Variants in NFATC3 observed in about 807,000 individuals in gnomAD.
The protein encoded by NFATC3 is nuclear factor of activated T-cells, cytoplasmic 3.
Under a neutral mutation model 98.6 loss-of-function variants are expected in NFATC3, and 46 were observed. The observed-to-expected ratio is 0.47, with a 90% CI of 0.37 to 0.60. NFATC3 has a LOEUF of 0.60. NFATC3 is among the 20% of genes least tolerant of loss of function. The pLI is 0.00. For synonymous variants in NFATC3, 512 were observed against 472.2 expected (o/e 1.08, Z -1.09); for missense variants, 1,256 against 1,295.5 (o/e 0.97, Z 0.47).
chr16:68,127,237 A>T (rs1048645824), intron 3 of NFATC3, among the ~76,000 whole-genome samples: 1 of 152,118 alleles, frequency 6.6e-6, no homozygotes, highest in Non-Finnish European at 1.5e-5. Context: ...AGTAAAATTT[A>T]ATCAGAAAAA....
At chr16:68,138,826 C>A in intron 3 of NFATC3, 1 of 1,217,148 alleles carries the variant, frequency 8.2e-7, no homozygotes, top group Non-Finnish European at 1.0e-6. Flanking sequence ...ATGCTCCACA[C>A]AGGAATAAAT....
chr16:68,215,821 A>G (rs1379163369), intron 9 of NFATC3, among the ~76,000 whole-genome samples: 3 of 137,570 alleles, frequency 2.2e-5, no homozygotes, highest in Non-Finnish European at 4.5e-5. Context: ...TCCGCCTCCC[A>G]GGTTGACGCC....
Position 68,185,825 on chromosome 16 carries a change from C to T in NFATC3, c.2098+2459C>T, listed in dbSNP as rs56159097. Among the ~76,000 whole-genome samples, 998 of 146,580 alleles carry T rather than the reference C, an allele frequency of 6.8e-3. 11 individuals are homozygous for T. The highest frequency in any genetic ancestry group is 0.012 in the Non-Finnish European group (800 of 66,972). On this transcript the variant is annotated intron_variant, in intron 8 of 9. Transcript: ENST00000346183. The stretch of plus-strand genomic sequence containing the variant: ...TTTCAGTGAGCCGAGATCGCACCAC[C>T]GCACTCCAGCCTGGGCGACAGAGCG...
intron 9 of NFATC3, chr16:68,191,996 C>G (rs2040427459): frequency 4.0e-6 from 2 of 503,000 alleles, no homozygotes; most frequent in African/African-American, 3.9e-5. Flanking sequence ...ATCACAAGGT[C>G]AGGAGTTCAA....
chr16:68,089,543 C>G (rs2034588147), intron 1 of NFATC3: 1 of 152,608 alleles, frequency 6.6e-6, no homozygotes. Flanking sequence ...TCAGACCAGC[C>G]TACCTTGTTT....
intron 1 of NFATC3, chr16:68,088,667 G>A (rs1280682174): frequency 6.6e-6 from 1 of 151,980 alleles, no homozygotes; most frequent in Non-Finnish European, 1.5e-5. Flanking sequence ...CTGAGTAGTT[G>A]GGATTACAGT....
intron 1 of NFATC3, among the ~76,000 whole-genome samples, chr16:68,105,097 T>C (rs923885994): frequency 2.0e-5 from 3 of 150,792 alleles, no homozygotes; most frequent in Non-Finnish European, 4.4e-5. Flanking sequence ...GTGGGTTTTT[T>C]TTTTTTTTTT....
At chr16:68,095,887 C>A (rs2034994112) in intron 1 of NFATC3, among the ~76,000 whole-genome samples, 1 of 152,154 alleles carries the variant, frequency 6.6e-6, no homozygotes, top group African/African-American at 2.4e-5. Flanking sequence ...TCAGGTGGAA[C>A]CTGATGATTA....
chr16:68,169,731 A>C (rs2151602493), intron 5 of NFATC3, among the ~76,000 whole-genome samples: 1 of 152,022 alleles, frequency 6.6e-6, no homozygotes, highest in Admixed American at 6.5e-5. Context: ...ACCTGAGGTC[A>C]GGAGTTTGAG....
intron 9 of NFATC3, among the ~76,000 whole-genome samples, chr16:68,213,323 G>C (rs943655296): frequency 6.6e-6 from 1 of 151,478 alleles, no homozygotes; most frequent in Non-Finnish European, 1.5e-5. Context: ...GCTGAGGCAG[G>C]AGAATGGCGT....
chr16:68,201,726 G>A (rs189754015), intron 9 of NFATC3, among the ~76,000 whole-genome samples: 2 of 150,592 alleles, frequency 1.3e-5, no homozygotes, highest in African/African-American at 4.9e-5. Flanking sequence ...TTAGGTGGGT[G>A]GATCACCTGA....
Position 68,190,827 on chromosome 16 carries a change from G to C in NFATC3, c.2158G>C (p.Val720Leu). Residue 720 changes from valine (V) to leucine (L), a missense_variant, in exon 9 of 10, where the codon GTG becomes CTG. Val to Leu is a conservative substitution (Grantham distance 32). This residue lies in a region of NFATC3 where 636 missense variants were observed against 617.3 expected (regional missense o/e 1.03). Transcript: ENST00000346183. Reference sequence around the variant, plus strand: ...TTTGTCTTCAGTTCCATCTTTGCCTGTGCCTCATCCTGCTCAGACCCAGAG... The same window carrying C: ...TTTGTCTTCAGTTCCATCTTTGCCTCTGCCTCATCCTGCTCAGACCCAGAG... ...IDLSSVPSLP[V>L]PHPAQTQRPS... 1.9e-6 allele frequency: 3 copies of C among 1,613,990 alleles called. No individual in the cohort carries two copies. The highest frequency in any genetic ancestry group is 2.5e-6 in the Non-Finnish European group (3 of 1,179,872).
intron 3 of NFATC3, among the ~76,000 whole-genome samples, chr16:68,132,030 A>G (rs912531488): frequency 1.3e-5 from 2 of 152,230 alleles, no homozygotes; most frequent in Non-Finnish European, 2.9e-5. Flanking sequence ...AGAATCAGGT[A>G]TCACTTCCAC....
chr16:68,226,430 A>G lies in NFATC3; in HGVS notation c.3187A>G (p.Ser1063Gly). The G allele has an allele frequency of 6.4e-7, 1 of 1,566,668 alleles. No homozygotes were observed. ...GGTGAGCAGGCAGGCTCCCCTCCCG[A>G]GTCCTGAGTCCCTGGATTTAGGAAG... ...AGVSRQAPLPSPESLDLGRSD... is the reference protein window; with the variant it reads ...AGVSRQAPLPGPESLDLGRSD... Residue 1063 changes from serine to glycine, a missense_variant, in exon 10 of 10, where the codon AGT becomes GGT. Around this residue, in one of 3 missense-constraint regions of NFATC3, gnomAD observed 636 missense variants for 617.3 expected, o/e 1.03. Coordinates refer to ENST00000346183, the MANE Select transcript of NFATC3 (RefSeq NM_173165.3).
At chr16:68,205,738 G>A (rs1277979660) in intron 9 of NFATC3, among the ~76,000 whole-genome samples, 1 of 151,846 alleles carries the variant, frequency 6.6e-6, no homozygotes, top group African/African-American at 2.4e-5. Flanking sequence ...AGCATATTAT[G>A]TATACTAGTT....
chr16:68,136,672 TG>T (rs1227507928), intron 3 of NFATC3, among the ~76,000 whole-genome samples: 1 of 152,192 alleles, frequency 6.6e-6, no homozygotes, highest in Non-Finnish European at 1.5e-5. Context: ...AATGCATCAC[TG>T]GGCGATTTCC....
chr16:68,200,035 A>T (rs952990050), intron 9 of NFATC3: 8 of 152,060 alleles, frequency 5.3e-5, no homozygotes, highest in African/African-American at 1.9e-4. Context: ...TTCTTGTTTT[A>T]TGTGGGCTCT....
At chr16:68,116,417 A>G (rs557002884) in intron 1 of NFATC3, among the ~76,000 whole-genome samples, 43 of 152,156 alleles carry the variant, frequency 2.8e-4, no homozygotes, top group Non-Finnish European at 4.3e-4. Flanking sequence ...AGATTACTGT[A>G]TGCTTGCATG....
intron 5 of NFATC3, among the ~76,000 whole-genome samples, chr16:68,172,260 C>T: frequency 6.6e-6 from 1 of 152,182 alleles, no homozygotes; most frequent in African/African-American, 2.4e-5. Context: ...GGAATGGATG[C>T]TTTCCTAATG....
Sources: allele counts gnomAD v4.1 joint callset (sites outside exome capture counted in the v4.1 genomes callset), GRCh38; gene constraint gnomAD v4.1.1; regional missense constraint gnomAD v4.1.1; transcripts MANE v1.5; gene names NCBI Gene and HGNC (gene_info 2026-07-23, HGNC 2026-07-21).